The following KCNH7 variants were observed in gnomAD, a reference collection of about 807,000 sequenced individuals.
KCNH7 encodes the protein potassium voltage-gated channel subfamily H member 7, also known as voltage-gated inwardly rectifying potassium channel KCNH7.
Under a neutral mutation model 120.8 loss-of-function variants are expected in KCNH7, and 49 were observed. That is an observed-to-expected ratio of 0.41 (90% CI 0.32 to 0.51). The LOEUF is 0.51. KCNH7 is among the 20% of genes least tolerant of loss of function. The pLI is 0.38. For synonymous variants in KCNH7, 547 were observed against 516.1 expected (o/e 1.06, Z -0.81); for missense variants, 1,097 against 1,446.6 (o/e 0.76, Z 3.92).
chr2:162,436,197 G>C (rs1370349532), intron 7 of KCNH7, among the ~76,000 whole-genome samples: 7 of 152,092 alleles, frequency 4.6e-5, no homozygotes, highest in Admixed American at 1.3e-4. Context: ...TGAAGACCAA[G>C]AAGGGCCTTG....
chr2:162,779,783 T>C (rs1426958748), intron 2 of KCNH7, among the ~76,000 whole-genome samples: 2 of 152,162 alleles, frequency 1.3e-5, no homozygotes, highest in African/African-American at 4.8e-5. Context: ...CTCAGAATAA[T>C]TTTGCTCAAC....
chr2:162,456,750 T>C (rs1346169972), intron 6 of KCNH7, among the ~76,000 whole-genome samples: 1 of 152,274 alleles, frequency 6.6e-6, no homozygotes, highest in Non-Finnish European at 1.5e-5. Context: ...CTCTTTACCA[T>C]TATGTAATGC....
chr2:162,829,593 A>G (rs369317923), intron 2 of KCNH7, among the ~76,000 whole-genome samples: 1 of 152,256 alleles, frequency 6.6e-6, no homozygotes, highest in African/African-American at 2.4e-5. Flanking sequence ...ACACTTAGGT[A>G]ACAGGTTAAT....
intron 2 of KCNH7, among the ~76,000 whole-genome samples, chr2:162,706,731 C>T (rs1250696794): frequency 2.0e-5 from 3 of 152,090 alleles, no homozygotes; most frequent in African/African-American, 7.2e-5. Context: ...AGTCATGGCA[C>T]CACCTCTGAA....
intron 3 of KCNH7, among the ~76,000 whole-genome samples, chr2:162,518,794 C>T (rs929543851): frequency 1.2e-4 from 17 of 140,696 alleles, no homozygotes; most frequent in Non-Finnish European, 1.9e-4. Context: ...GTAAAGATTT[C>T]TTTTTCCTGT....
intron 2 of KCNH7, among the ~76,000 whole-genome samples, chr2:162,672,935 G>T (rs1216808134): frequency 2.0e-5 from 3 of 151,852 alleles, no homozygotes; most frequent in Admixed American, 2.0e-4. Flanking sequence ...AACATTTTGA[G>T]AATAAAATGC....
At chr2:162,461,073 T>C (rs1689131335) in intron 6 of KCNH7, among the ~76,000 whole-genome samples, 1 of 152,172 alleles carries the variant, frequency 6.6e-6, no homozygotes, top group Non-Finnish European at 1.5e-5. Context: ...TACCTTTTTT[T>C]CTAGAGCCTA....
intron 7 of KCNH7, among the ~76,000 whole-genome samples, chr2:162,439,190 G>A (rs1433944181): frequency 6.6e-6 from 1 of 151,652 alleles, no homozygotes; most frequent in Non-Finnish European, 1.5e-5. Context: ...CCATAAATTT[G>A]TTCACAATTT....
intron 6 of KCNH7, among the ~76,000 whole-genome samples, chr2:162,446,665 T>C (rs941879936): frequency 3.9e-5 from 6 of 152,130 alleles, no homozygotes; most frequent in Non-Finnish European, 8.8e-5. Context: ...TTGATAAATA[T>C]GAATTTCACT....
intron 4 of KCNH7, among the ~76,000 whole-genome samples, chr2:162,515,520 A>T (rs1241403277): frequency 6.6e-6 from 1 of 151,802 alleles, no homozygotes; most frequent in African/African-American, 2.4e-5. Context: ...ATAAGTCAGG[A>T]TCTCTCTAGG....
chr2:162,781,582 G>C (rs1245417325), intron 2 of KCNH7, among the ~76,000 whole-genome samples: 1 of 152,140 alleles, frequency 6.6e-6, no homozygotes, highest in Non-Finnish European at 1.5e-5. Context: ...TAACAGGGGA[G>C]ACAGCAGTGA....
At chr2:162,657,070 TA>T (rs1437866724) in intron 2 of KCNH7, among the ~76,000 whole-genome samples, 1 of 152,172 alleles carries the variant, frequency 6.6e-6, no homozygotes, top group African/African-American at 2.4e-5. Context: ...GAGCAGAACG[TA>T]CACACAAGTA....
intron 2 of KCNH7, among the ~76,000 whole-genome samples, chr2:162,823,909 T>TTTTTTTTTGAGACGGAGTCTC: frequency 7.9e-5 from 12 of 152,142 alleles, no homozygotes; most frequent in South Asian, 2.1e-4. Context: ...ATTTTTTAAT[T>TTTTTTTTTGAGACGGAGTCTC]GCCATATAAG....
chr2:162,487,156 G>A (rs956633718), intron 6 of KCNH7, among the ~76,000 whole-genome samples: 12 of 151,990 alleles, frequency 7.9e-5, no homozygotes, highest in Admixed American at 2.0e-4. Context: ...GTGTTAATAC[G>A]AATTCATATG....
intron 2 of KCNH7, among the ~76,000 whole-genome samples, chr2:162,827,890 A>G (rs1320366127): frequency 5.9e-5 from 9 of 152,138 alleles, no homozygotes. Context: ...TTATATGAAG[A>G]ACCAGTCACT....
chr2:162,678,587 C>A (rs182116214), intron 2 of KCNH7, among the ~76,000 whole-genome samples: 2 of 151,462 alleles, frequency 1.3e-5, no homozygotes, highest in African/African-American at 4.8e-5. Context: ...TCACTGACAA[C>A]ATTAGAGAAC....
chr2:162,830,664 A>G (rs532337147), intron 2 of KCNH7, among the ~76,000 whole-genome samples: 1 of 152,290 alleles, frequency 6.6e-6, no homozygotes, highest in Non-Finnish European at 1.5e-5. Flanking sequence ...GAGAGTAGTA[A>G]GAAGTGTAGA....
At chr2:162,419,739 TATA>T (rs1435738777) in intron 9 of KCNH7, among the ~76,000 whole-genome samples, 2 of 152,162 alleles carry the variant, frequency 1.3e-5, no homozygotes, top group Non-Finnish European at 2.9e-5. Flanking sequence ...TCCAGAAAGA[TATA>T]TGGACCATGG....
At chr2:162,405,178 T>C (rs780643770) in intron 9 of KCNH7, among the ~76,000 whole-genome samples, 19 of 152,050 alleles carry the variant, frequency 1.2e-4, no homozygotes, top group Non-Finnish European at 2.8e-4. Context: ...TGGAATATTT[T>C]ACACATGTAT....
Sources: gnomAD v4.1 joint callset for allele counts (sites outside exome capture counted in the v4.1 genomes callset) on GRCh38, gnomAD v4.1.1 for gene constraint, MANE v1.5 for transcripts, NCBI Gene and HGNC (gene_info 2026-07-23, HGNC 2026-07-21) for gene names.